The following DNAH7 variants were observed in gnomAD, a reference collection of about 807,000 sequenced individuals.
DNAH7 encodes the protein dynein axonemal heavy chain 7.
In DNAH7, 397 loss-of-function variants were observed where a neutral mutation model predicts 444.6. The ratio of observed to expected loss-of-function variants is 0.89; its 90% confidence interval spans 0.82 to 0.97. The LOEUF (loss-of-function observed/expected upper bound fraction) is 0.97, where lower values mean the gene tolerates loss of function less well. Among genes scored for constraint, DNAH7 ranks in the 50% least tolerant of loss-of-function variants. The probability of loss-of-function intolerance (pLI) is 0.00; values close to 1 mark genes in which losing one functional copy is unlikely to be tolerated. For synonymous variants in DNAH7, 1,636 were observed against 1,624.4 expected (o/e 1.01, Z -0.17); for missense variants, 4,902 against 4,800.8 (o/e 1.02, Z -0.62).
In DNAH7 at chr2:195,923,583, G is replaced by A. The variant is rs777759758; in HGVS notation, c.3825+12C>T. 5.6e-6 allele frequency: 9 copies of A among 1,612,462 alleles called. No homozygotes were observed. In the East Asian group the frequency reaches 2.0e-4, roughly 36 times the overall value. On this transcript the variant is annotated intron_variant, in intron 23 of 64. Coordinates refer to ENST00000312428, the MANE Select transcript of DNAH7 (RefSeq NM_018897.3). ...ATTGCTGTGTAATATAACATTCAGT[G>A]ATACCACTTACTTGCCAGTAGTACC... is the stretch of plus-strand genomic sequence containing the variant.
At chr2:195,912,078 G>C (rs1374536484) in intron 24 of DNAH7, among the ~76,000 whole-genome samples, 1 of 152,154 alleles carries the variant, frequency 6.6e-6, no homozygotes, top group Non-Finnish European at 1.5e-5. Flanking sequence ...TGGAACATTA[G>C]CTATCATCAG....
Position 195,960,285 on chromosome 2 carries a change from T to C in DNAH7, c.2866A>G (p.Ile956Val). ...CTCATTTGTTTTTCATAAGGCTTAA[T>C]GAAAGGAGATCCTCGCATAGTTTGT... ...KTQTMRGSPF[I>V]KPYEKQMREW... is the part of the protein sequence containing the mutation. The change falls in exon 18 of 65, where the codon ATT becomes GTT. Residue 956 changes from isoleucine (I) to valine (V), a missense_variant. Physicochemically the swap from Ile to Val is conservative, Grantham distance 29. Transcript: ENST00000312428. 2 of 1,611,982 alleles carry C rather than the reference T, an allele frequency of 1.2e-6. No homozygotes were observed. The highest frequency in any genetic ancestry group is 1.1e-5 in the South Asian group (1 of 90,756).
In DNAH7 at chr2:195,740,888, CATTAAT is replaced by C; in HGVS notation, c.11765-25_11765-20del. ...AAAACACCTAAATATAAAAGAAACA[CATTAAT>C]ATAACACTTGAAATATGCATTTTGA... is the stretch of plus-strand genomic sequence containing the variant. On this transcript the variant is annotated intron_variant, in intron 63 of 64. Transcript: ENST00000312428. 7.0e-7 allele frequency: 1 copy of C among 1,427,470 alleles called. No homozygotes were observed. The highest frequency in any genetic ancestry group is 9.5e-7 in the Non-Finnish European group (1 of 1,054,800). 88.4% of individuals were successfully genotyped at this position (1,427,470 alleles called of 1,614,324 possible).
chr2:195,991,375 T>C (rs1479738525), intron 12 of DNAH7, among the ~76,000 whole-genome samples: 1 of 152,206 alleles, frequency 6.6e-6, no homozygotes, highest in Non-Finnish European at 1.5e-5. Context: ...ACACAGTGAA[T>C]TCTTACTTTC....
At chr2:195,773,273 G>A (rs1694925832) in intron 60 of DNAH7, among the ~76,000 whole-genome samples, 3 of 151,940 alleles carry the variant, frequency 2.0e-5, no homozygotes, top group Admixed American at 1.3e-4. Context: ...CATAGAGAAC[G>A]AAAAGTATTT....
chr2:195,809,873 TA>T lies in DNAH7; in HGVS notation c.9762-3del. 1 of 1,544,446 alleles carries T rather than the reference TA, an allele frequency of 6.5e-7. No homozygotes were observed. Among genetic ancestry groups the T allele is most frequent in the Non-Finnish European group, 8.7e-7 (1 of 1,148,076 alleles). On this transcript the variant is annotated splice_region_variant and splice_polypyrimidine_tract_variant and intron_variant, in intron 51 of 64. Transcript: ENST00000312428. ...AAGTGATCCTTGAGAATCTGAAGCC[TA>T]AGGGTCAACAGAAAATAAAGGAAAT...
At chr2:195,814,382 G>A (rs1444677671) in intron 51 of DNAH7, among the ~76,000 whole-genome samples, 2 of 152,092 alleles carry the variant, frequency 1.3e-5, no homozygotes, top group African/African-American at 4.8e-5. Context: ...GGGTAAAAAG[G>A]ATTTGCTTTT....
chr2:195,983,256 C>T (rs1276747281), intron 15 of DNAH7, among the ~76,000 whole-genome samples: 1 of 152,002 alleles, frequency 6.6e-6, no homozygotes, highest in Non-Finnish European at 1.5e-5. Flanking sequence ...TTTTATTTGC[C>T]ATTAGGTAGA....
chr2:195,875,402 G>A (rs1700988911), intron 38 of DNAH7, among the ~76,000 whole-genome samples: 1 of 146,818 alleles, frequency 6.8e-6, no homozygotes. Flanking sequence ...CTTCCAGAAG[G>A]TGGGAGAAAA....
chr2:195,812,608 C>T (rs1482325558), intron 51 of DNAH7, among the ~76,000 whole-genome samples: 2 of 152,132 alleles, frequency 1.3e-5, no homozygotes, highest in African/African-American at 4.8e-5. Flanking sequence ...ATATACCATA[C>T]TAGTCGTAAC....
At chr2:195,875,893 C>T in intron 37 of DNAH7, 50 bp from the exon 38 acceptor site, 1 of 1,543,198 alleles carries the variant, frequency 6.5e-7, no homozygotes, top group Non-Finnish European at 8.8e-7. Flanking sequence ...TCTCAACATA[C>T]AGTCCTATTG....
At chr2:196,019,454 A>G (rs961144754) in intron 8 of DNAH7, among the ~76,000 whole-genome samples, 159 bp from the exon 9 acceptor site, 4 of 152,140 alleles carry the variant, frequency 2.6e-5, no homozygotes, top group South Asian at 4.1e-4. Context: ...TATAAAGATC[A>G]TATGTTTTAT....
At chr2:195,931,220 GTCT>G (rs1688672574) in intron 21 of DNAH7, among the ~76,000 whole-genome samples, 1 of 152,166 alleles carries the variant, frequency 6.6e-6, no homozygotes, top group African/African-American at 2.4e-5. Flanking sequence ...CTGCATAAAT[GTCT>G]TCTTTTGAGA....
intron 60 of DNAH7, among the ~76,000 whole-genome samples, chr2:195,774,361 A>C (rs955617295): frequency 1.2e-4 from 19 of 152,268 alleles, no homozygotes; most frequent in Non-Finnish European, 1.8e-4. Context: ...GGATGTAAAA[A>C]TAGTCTTTGT....
intron 63 of DNAH7, among the ~76,000 whole-genome samples, chr2:195,744,699 A>G (rs189185835): frequency 1.1e-3 from 170 of 152,310 alleles, no homozygotes; most frequent in Non-Finnish European, 2.1e-3. Flanking sequence ...CGGTTCACGA[A>G]AATCCGCTGT....
At chr2:196,020,091 TTTC>T (rs1559341378) in intron 8 of DNAH7, among the ~76,000 whole-genome samples, 3 of 152,182 alleles carry the variant, frequency 2.0e-5, no homozygotes, top group South Asian at 2.1e-4. Flanking sequence ...ATATTTTCTC[TTTC>T]TTATGATTTT....
intron 16 of DNAH7, 33 bp from the exon 17 acceptor site, chr2:195,970,127 A>G (rs1691747457): frequency 1.9e-6 from 3 of 1,569,734 alleles, no homozygotes; most frequent in East Asian, 2.3e-5. Flanking sequence ...AATATTCTTA[A>G]AAGTTAAAAC....
At chr2:195,766,365 G>A (rs1270014390) in intron 61 of DNAH7, among the ~76,000 whole-genome samples, 2 of 151,222 alleles carry the variant, frequency 1.3e-5, no homozygotes, top group Non-Finnish European at 3.0e-5. Flanking sequence ...GACGGGTTTC[G>A]CCCTGTTGGC....
chr2:195,807,862 C>T (rs72915110), intron 53 of DNAH7, among the ~76,000 whole-genome samples: 2,240 of 152,268 alleles, frequency 0.015, 29 homozygotes, highest in Non-Finnish European at 0.022. Context: ...TTATTACTAA[C>T]AAGGAGAAAT....
Sources: allele counts gnomAD v4.1 joint callset (sites outside exome capture counted in the v4.1 genomes callset), GRCh38; gene constraint gnomAD v4.1.1; transcripts MANE v1.5; gene names NCBI Gene and HGNC (gene_info 2026-07-23, HGNC 2026-07-21).